The following PSTK variants were observed in gnomAD, a reference collection of about 807,000 sequenced individuals.
PSTK encodes phosphoseryl-tRNA kinase.
Under a neutral mutation model 38.6 loss-of-function variants are expected in PSTK, and 26 were observed. The ratio of observed to expected loss-of-function variants is 0.67; its 90% CI spans 0.49 to 0.94. The LOEUF (loss-of-function observed/expected upper bound fraction) is 0.94, where lower values mean the gene tolerates loss of function less well. Among genes scored for constraint, PSTK ranks in the 40% least tolerant of loss-of-function variants. The probability of loss-of-function intolerance (pLI) is 0.00; values close to 1 mark genes in which losing one functional copy is unlikely to be tolerated. For synonymous variants in PSTK, 181 were observed against 161.7 expected (o/e 1.12, Z -0.91); for missense variants, 445 against 436.3 (o/e 1.02, Z -0.18).
chr10:122,987,426 C>T, intron 5 of PSTK: 1 of 1,614,056 alleles, frequency 6.2e-7, no homozygotes, highest in Non-Finnish European at 8.5e-7. Flanking sequence ...AGGCAATGAA[C>T]ACATCAAGTG....
chr10:122,986,972 G>T lies in PSTK; in HGVS notation c.877+10G>T, dbSNP rs766699973. 4 of 1,547,526 alleles carry T rather than the reference G, an allele frequency of 2.6e-6. No individual in the cohort carries two copies. The African/African-American group carries it at 5.4e-5, about 21-fold the overall frequency. On this transcript the variant is annotated intron_variant, in intron 5 of 5. Coordinates refer to ENST00000406217, the MANE Select transcript of PSTK (RefSeq NM_001363531.2). Reference sequence around the variant, plus strand: ...ATGAAGGAAGCAAAAGGTATGATGTGTCAGTTATGTGTTGAGTTGGTATGA... The same window carrying T: ...ATGAAGGAAGCAAAAGGTATGATGTTTCAGTTATGTGTTGAGTTGGTATGA...
rs368972767 is a variant in PSTK at position 122,987,517 on chromosome 10, G to T, written c.877+555G>T. 105 of 1,611,880 alleles carry T rather than the reference G, an allele frequency of 6.5e-5. No homozygotes were observed. The African/African-American group carries it at 1.1e-3, about 17-fold the overall frequency. On this transcript the variant is annotated intron_variant, in intron 5 of 5. Transcript: ENST00000406217. ...AGCACGGGGTGAGGTAAGAAGGGGG[G>T]AAAGGTAGTCAGGGGCCAGGTGTAA...
chr10:122,983,537 T>C, intron 3 of PSTK, 67 bp downstream of exon 3: 1 of 1,422,938 alleles, frequency 7.0e-7, no homozygotes, highest in East Asian at 2.3e-5. Flanking sequence ...GTGCTTTGTC[T>C]ATGTTGGTTT....
At chr10:122,989,500 C>T (rs1333588771) in intron 5 of PSTK, among the ~76,000 whole-genome samples, 1 of 152,096 alleles carries the variant, frequency 6.6e-6, no homozygotes, top group East Asian at 1.9e-4. Flanking sequence ...GATCCGCCCA[C>T]CTCGGCCACC....
chr10:122,988,221 A>G (rs1396455672), intron 5 of PSTK, among the ~76,000 whole-genome samples: 2 of 152,110 alleles, frequency 1.3e-5, no homozygotes, highest in Non-Finnish European at 2.9e-5. Flanking sequence ...GGCATCATAA[A>G]TAAAATAAGA....
chr10:122,990,265 CAAAA>C lies in PSTK; in HGVS notation c.972_975del (p.Lys324AsnfsTer?). 1 of 1,538,708 alleles carries C rather than the reference CAAAA, an allele frequency of 6.5e-7. No homozygotes were observed. The highest frequency in any genetic ancestry group is 8.7e-7 in the Non-Finnish European group (1 of 1,143,036). On this transcript the variant is annotated frameshift_variant, in exon 6 of 6. Transcript: ENST00000406217. LOFTEE classifies it high-confidence loss of function. ...TTTTGGAAGACCTAAAACAAGGAAA[CAAAA>C]AATATCTGTGCTTTCAGCAAACCAT...
In PSTK at chr10:122,983,035, C is replaced by G. The variant is rs1193179900; in HGVS notation, c.508+11C>G. 5 of 1,564,558 alleles carry G rather than the reference C, an allele frequency of 3.2e-6. No homozygotes were observed. Among genetic ancestry groups the G allele is most frequent in the Non-Finnish European group, 4.4e-6 (5 of 1,145,596 alleles). The stretch of plus-strand genomic sequence containing the variant: ...AGCTGGCTCGGAAATGTAATTAAAA[C>G]TTTTTTTTTCTTACACATGGAGATA... On this transcript the variant is annotated intron_variant, in intron 2 of 5. Transcript: ENST00000406217.
At chr10:122,985,279 G>A (rs534062754) in intron 3 of PSTK, 2 of 152,250 alleles carry the variant, frequency 1.3e-5, no homozygotes, top group Non-Finnish European at 2.9e-5. Context: ...ATACTTGACT[G>A]CCTTCACTGA....
chr10:122,981,669 G>A (rs572620198), intron 1 of PSTK, among the ~76,000 whole-genome samples: 1 of 152,206 alleles, frequency 6.6e-6, no homozygotes, highest in Non-Finnish European at 1.5e-5. Context: ...CTCCAGCAAG[G>A]TGTATCTACT....
chr10:122,983,956 A>T (rs1264868821), intron 3 of PSTK: 1 of 153,566 alleles, frequency 6.5e-6, no homozygotes, highest in Non-Finnish European at 1.4e-5. Context: ...TTTCTAGCAG[A>T]AACTTCGCTG....
At chr10:122,983,112 TAGG>T in intron 2 of PSTK, 88 bp downstream of exon 2, 2 of 1,315,402 alleles carry the variant, frequency 1.5e-6, no homozygotes, top group Admixed American at 2.3e-5. Flanking sequence ...TTAACTTGAT[TAGG>T]AGGTTATGTA....
At chr10:122,988,079 A>G (rs1849060066) in intron 5 of PSTK, among the ~76,000 whole-genome samples, 1 of 152,250 alleles carries the variant, frequency 6.6e-6, no homozygotes, top group South Asian at 2.1e-4. Context: ...TGTGGAAACA[A>G]GTTTCACAAA....
intron 5 of PSTK, among the ~76,000 whole-genome samples, chr10:122,988,861 T>C (rs1163509196): frequency 6.6e-6 from 1 of 152,124 alleles, no homozygotes; most frequent in Non-Finnish European, 1.5e-5. Flanking sequence ...CCAAGAGAGA[T>C]GAAAACATGT....
rs1156722131 is a variant in PSTK, at chr10:122,980,706, A to T, written c.216+11A>T. The stretch of plus-strand genomic sequence containing the variant: ...AGAGCGCGACCGGCGGTCAGCACGG[A>T]GGGGCGGGGCCTGGGCCGCGGGGCG... On this transcript the variant is annotated intron_variant, in intron 1 of 5. Transcript: ENST00000406217. This position sits in a 1 kb window ranked among gnomAD's most constrained non-coding sequence, Gnocchi z 4.3. 1 of 1,014,420 alleles carries T rather than the reference A, an allele frequency of 9.9e-7. No individual in the cohort carries two copies. Among genetic ancestry groups the T allele is most frequent in the Admixed American group, 3.6e-5 (1 of 27,848 alleles). 62.8% of individuals were successfully genotyped at this position (1,014,420 alleles called of 1,614,324 possible).
chr10:122,990,282 T>A lies in PSTK; in HGVS notation c.986T>A (p.Phe329Tyr). 6.5e-7 allele frequency: 1 copy of A among 1,539,350 alleles called. No homozygotes were observed. Among genetic ancestry groups the A allele is most frequent in the Non-Finnish European group, 8.7e-7 (1 of 1,142,960 alleles). ...CAAGGAAACAAAAAATATCTGTGCT[T>A]TCAGCAAACCATTGACATACCAGAT... ...LKQGNKKYLC[F>Y]QQTIDIPDVI... Residue 329 changes from phenylalanine (F) to tyrosine (Y), a missense_variant, in exon 6 of 6, where the codon TTT (phenylalanine) becomes TAT (tyrosine). Transcript: ENST00000406217.
chr10:122,986,998 T>C (rs1480239124), intron 5 of PSTK, 36 bp downstream of exon 5: 2 of 1,351,382 alleles, frequency 1.5e-6, no homozygotes, highest in East Asian at 2.3e-5. Flanking sequence ...GTTGGTATGA[T>C]TGTGACTTTC....
intron 5 of PSTK, chr10:122,987,578 T>C (rs973135831): frequency 5.8e-6 from 9 of 1,554,862 alleles, no homozygotes; most frequent in Non-Finnish European, 7.8e-6. Flanking sequence ...CAATGTATTA[T>C]AAATCTGAAT....
intron 5 of PSTK, 50 bp downstream of exon 5, chr10:122,987,012 T>A (rs1415129942): frequency 8.5e-7 from 1 of 1,173,982 alleles, no homozygotes; most frequent in African/African-American, 1.5e-5. Flanking sequence ...GACTTTCTAC[T>A]GCTACTGTTA....
Position 122,980,702 on chromosome 10 carries a change from A to AC in PSTK, c.216+8dup, listed in dbSNP as rs1025312508. ...GGCAAGAGCGCGACCGGCGGTCAGC[A>AC]CGGAGGGGCGGGGCCTGGGCCGCGG... is the stretch of plus-strand genomic sequence containing the variant. On this transcript the variant is annotated splice_region_variant and intron_variant, in intron 1 of 5. Coordinates refer to ENST00000406217, the MANE Select transcript of PSTK (RefSeq NM_001363531.2). The surrounding 1 kb of genome is among the most constrained non-coding windows in gnomAD (Gnocchi z 4.3). 5 of 1,206,438 alleles carry AC rather than the reference A, an allele frequency of 4.1e-6. No individual in the cohort carries two copies. The African/African-American group carries it at 1.0e-4, about 25-fold the overall frequency. The allele number at this position is 1,206,438 out of a possible 1,614,324, so 74.7% of individuals were successfully genotyped here.
Sources: allele counts gnomAD v4.1 joint callset (sites outside exome capture counted in the v4.1 genomes callset), GRCh38; gene constraint gnomAD v4.1.1; non-coding constraint Gnocchi (gnomAD v3.1); transcripts MANE v1.5; gene names NCBI Gene and HGNC (gene_info 2026-07-23, HGNC 2026-07-21).